The following LGR4 variants were observed in gnomAD, a reference collection of about 807,000 sequenced individuals.
LGR4 encodes leucine rich repeat containing G protein-coupled receptor 4.
LGR4 carries 44 observed loss-of-function variants against 84.8 expected under a neutral mutation model. The observed-to-expected ratio is 0.52, with a 90% CI of 0.41 to 0.67. The LOEUF (loss-of-function observed/expected upper bound fraction) is 0.67, where lower values mean the gene tolerates loss of function less well. Among genes scored for constraint, LGR4 ranks in the 30% least tolerant of loss-of-function variants. The pLI is 0.00. For synonymous variants in LGR4, 429 were observed against 434.3 expected, an observed-to-expected ratio of 0.99 and a Z score of 0.15; for missense variants, 1,032 against 1,131.4, an observed-to-expected ratio of 0.91 and a Z score of 1.26.
intron 1 of LGR4, among the ~76,000 whole-genome samples, chr11:27,461,287 G>A (rs1864674728): frequency 6.6e-6 from 1 of 151,546 alleles, no homozygotes; most frequent in African/African-American, 2.4e-5. Flanking sequence ...AGGATTGCTT[G>A]AGGCCAGGAG....
At chr11:27,450,561 G>A (rs1339587249) in intron 1 of LGR4, among the ~76,000 whole-genome samples, 1 of 152,070 alleles carries the variant, frequency 6.6e-6, no homozygotes, top group Non-Finnish European at 1.5e-5. Flanking sequence ...AGCCGAGGTG[G>A]GTGGATCACC....
At chr11:27,438,766 C>G (rs1176407995) in intron 1 of LGR4, among the ~76,000 whole-genome samples, 3 of 152,120 alleles carry the variant, frequency 2.0e-5, no homozygotes, top group Non-Finnish European at 4.4e-5. Context: ...CTGACTCATG[C>G]TCGAACTAGA....
At chr11:27,384,765 G>C (rs1333321904) in intron 5 of LGR4, among the ~76,000 whole-genome samples, 1 of 152,138 alleles carries the variant, frequency 6.6e-6, no homozygotes, top group Non-Finnish European at 1.5e-5. Flanking sequence ...GAGGACATGA[G>C]GGTAATGGTG....
intron 1 of LGR4, among the ~76,000 whole-genome samples, chr11:27,428,450 C>A (rs1042925751): frequency 6.6e-6 from 1 of 152,208 alleles, no homozygotes; most frequent in Admixed American, 6.5e-5. Flanking sequence ...ATCTTGCGCT[C>A]TTTTTGGAAT....
intron 1 of LGR4, among the ~76,000 whole-genome samples, chr11:27,461,097 CAT>C (rs1272553209): frequency 6.6e-6 from 1 of 152,020 alleles, no homozygotes; most frequent in East Asian, 1.9e-4. Flanking sequence ...TTAAGAATGT[CAT>C]ATAAACTTTT....
intron 1 of LGR4, among the ~76,000 whole-genome samples, chr11:27,470,557 G>GA (rs1461853406): frequency 3.3e-5 from 5 of 152,164 alleles, no homozygotes; most frequent in Admixed American, 2.6e-4. Context: ...AGAACTTGGG[G>GA]AAAAATTAGT....
intron 17 of LGR4, 143 bp downstream of exon 17, chr11:27,371,472 G>A (rs1035662347): frequency 9.5e-6 from 5 of 527,358 alleles, no homozygotes; most frequent in South Asian, 4.0e-5. Context: ...TGGCTGGTAC[G>A]CAAAGCACAA....
At position 27,369,240 on chromosome 11, in the gene LGR4, T is replaced by A. The variant is rs532090983; in HGVS notation, c.1580-97A>T. The stretch of plus-strand genomic sequence containing the variant: ...TGATAGAAAAACTAATGATATAGAC[T>A]AATTAAATCTGCTCTCTACTTGAAC... On this transcript the variant is annotated intron_variant, in intron 17 of 17. Transcript: ENST00000379214. 1,138 of 942,566 alleles carry A rather than the reference T, an allele frequency of 1.2e-3. 7 individuals are homozygous for A. Among genetic ancestry groups the A allele is most frequent in the South Asian group, 5.7e-3 (290 of 50,908 alleles). 58.4% of individuals were successfully genotyped at this position (942,566 alleles called of 1,614,324 possible).
At chr11:27,453,062 G>A (rs1864513939) in intron 1 of LGR4, among the ~76,000 whole-genome samples, 1 of 151,306 alleles carries the variant, frequency 6.6e-6, no homozygotes, top group African/African-American at 2.4e-5. Flanking sequence ...TTGTCACTAT[G>A]GGGTAGGGAG....
chr11:27,395,272 T>A (rs1217082967), intron 2 of LGR4, among the ~76,000 whole-genome samples: 1 of 152,154 alleles, frequency 6.6e-6, no homozygotes, highest in African/African-American at 2.4e-5. Flanking sequence ...GGATTCTTAT[T>A]ATTCTTTTGT....
At position 27,372,001 on chromosome 11, in the gene LGR4, A is replaced by C. The variant is rs1435201179; in HGVS notation, c.1495+282T>G. 2.0e-5 allele frequency among the ~76,000 whole-genome samples: 3 copies of C among 152,318 alleles called. No individual in the cohort carries two copies. The East Asian group carries it at 5.8e-4, about 29-fold the overall frequency. On this transcript the variant is annotated intron_variant, in intron 16 of 17. Coordinates refer to ENST00000379214, the MANE Select transcript of LGR4 (RefSeq NM_018490.5). ...CACCTCAGTCTCCCAAGTAGTGGGGAATACAGGCACATGCCACTACACTCA... is the reference window on the plus strand; with the variant it reads ...CACCTCAGTCTCCCAAGTAGTGGGGCATACAGGCACATGCCACTACACTCA...
intron 2 of LGR4, among the ~76,000 whole-genome samples, chr11:27,410,879 T>C (rs1323277231): frequency 6.6e-6 from 1 of 152,062 alleles, no homozygotes; most frequent in Admixed American, 6.6e-5. Context: ...TTCAATTTGG[T>C]TCCAATTAAA....
rs558229406 is a variant in LGR4 at position 27,380,295 on chromosome 11, G to T, written c.947C>A (p.Thr316Lys). Residue 316 changes from threonine to lysine, a missense_variant, in exon 10 of 18, where the codon ACA (threonine) becomes AAA (lysine). Physicochemically the swap from Thr to Lys is moderately conservative, Grantham distance 78. Transcript: ENST00000379214. The part of the protein sequence containing the change: ...ASMVQQFPNL[T>K]GTVHLESLTL... ...CAGACTTTCCAGGTGGACAGTTCCTGTAAGATTGGGGAACTGCTGCACCAT... is the reference window on the plus strand; with the variant it reads ...CAGACTTTCCAGGTGGACAGTTCCTTTAAGATTGGGGAACTGCTGCACCAT... 5 of 1,610,732 alleles carry T rather than the reference G, an allele frequency of 3.1e-6. No homozygotes were observed. The African/African-American group carries it at 4.0e-5, about 13-fold the overall frequency.
chr11:27,430,825 TATCAA>T (rs1363578339), intron 1 of LGR4, among the ~76,000 whole-genome samples: 11 of 152,148 alleles, frequency 7.2e-5, no homozygotes, highest in African/African-American at 2.7e-4. Context: ...CTTTGTTCTA[TATCAA>T]GGCCCTACCT....
In LGR4 at chr11:27,371,764, T is replaced by G. The variant is rs554079396; in HGVS notation, c.1496-66A>C. On this transcript the variant is annotated intron_variant, in intron 16 of 17. Transcript: ENST00000379214. ...GCAACTCAAAAGAACCATATTTTCC[T>G]GCAATTTTCTCTGTATATAAGTGTG... 2.9e-5 allele frequency: 35 copies of G among 1,186,782 alleles called. No homozygotes were observed. In the Admixed American group the frequency reaches 3.0e-4, roughly 10 times the overall value. 73.5% of individuals were successfully genotyped at this position (1,186,782 alleles called of 1,614,324 possible).
At chr11:27,447,204 G>A (rs945242810) in intron 1 of LGR4, among the ~76,000 whole-genome samples, 3 of 151,774 alleles carry the variant, frequency 2.0e-5, no homozygotes, top group East Asian at 1.9e-4. Context: ...AAAAAAAAGC[G>A]CTTACAAACG....
chr11:27,459,888 C>T (rs988718480), intron 1 of LGR4, among the ~76,000 whole-genome samples: 4 of 151,930 alleles, frequency 2.6e-5, no homozygotes, highest in African/African-American at 2.4e-5. Flanking sequence ...GTCAGGAGTT[C>T]GAGACCAGCG....
chr11:27,369,036 T>C lies in LGR4; in HGVS notation c.1687A>G (p.Thr563Ala), dbSNP rs762745985. The C allele has an allele frequency of 1.2e-6, 2 of 1,614,040 alleles. No individual in the cohort carries two copies. Among genetic ancestry groups the C allele is most frequent in the Non-Finnish European group, 1.7e-6 (2 of 1,179,964 alleles). Residue 563 changes from threonine (T) to alanine (A), a missense_variant, in exon 18 of 18, where the codon ACA becomes GCA. Transcript: ENST00000379214. ...LFFNLLVILT[T>A]FASCTSLPSS... The stretch of plus-strand genomic sequence containing the variant: ...GGCAGTGATGTACAAGATGCAAATG[T>C]TGTTAAAATAACAAGCAGGTTGAAA...
chr11:27,446,494 CA>C (rs1398179585), intron 1 of LGR4, among the ~76,000 whole-genome samples: 3 of 152,192 alleles, frequency 2.0e-5, no homozygotes, highest in African/African-American at 7.2e-5. Flanking sequence ...GATACCATCT[CA>C]CACCAGTTAG....
Sources: allele counts gnomAD v4.1 joint callset (sites outside exome capture counted in the v4.1 genomes callset), GRCh38; gene constraint gnomAD v4.1.1; transcripts MANE v1.5; gene names NCBI Gene and HGNC (gene_info 2026-07-23, HGNC 2026-07-21).